PNO1: variants seen among roughly 807,000 people sequenced by gnomAD.
The protein encoded by PNO1 is RNA-binding protein PNO1.
In PNO1, 16 loss-of-function variants were observed where a neutral mutation model predicts 28.4. The observed-to-expected ratio is 0.56, with a 90% CI of 0.38 to 0.85. PNO1 has a LOEUF of 0.85. Ranked by LOEUF, PNO1 falls within the 40% of genes least tolerant of loss-of-function variation. The pLI, the probability that PNO1 is intolerant of heterozygous loss-of-function variation, is 0.00. For synonymous variants in PNO1, 115 were observed against 110.8 expected, an observed-to-expected ratio of 1.04 and a Z score of -0.24; for missense variants, 304 against 312.2, an observed-to-expected ratio of 0.97 and a Z score of 0.20.
rs1474115229 is a variant in PNO1, at chr2:68,173,406, A to G, written c.680A>G (p.Asn227Ser). Residue 227 changes from asparagine (N) to serine (S), a missense_variant, in exon 6 of 7, where the codon AAC becomes AGC. Physicochemically the swap from Asn to Ser is conservative, Grantham distance 46 (BLOSUM62 1). Coordinates refer to ENST00000263657, the MANE Select transcript of PNO1 (RefSeq NM_020143.4). ...NIKMARTAICNLILGNPPSKV... is the reference protein window; with the variant it reads ...NIKMARTAICSLILGNPPSKV... ...AAGATGGCAAGAACTGCCATTTGCA[A>G]CCTAATCTTGGGTAATAGCAGTTTC... The G allele has an allele frequency of 4.4e-6, 7 of 1,595,512 alleles. No homozygotes were observed. In the Admixed American group the frequency reaches 1.2e-4, roughly 27 times the overall value.
chr2:68,168,227 C>T lies in PNO1; in HGVS notation c.621-5120C>T, dbSNP rs577777195. On this transcript the variant is annotated intron_variant, in intron 5 of 6. Transcript: ENST00000263657. ...AAGAGGGGTCCTAATGCTTGTATACCGAGTAAATGTACAACCCCTGGTCGC... is the reference window on the plus strand; with the variant it reads ...AAGAGGGGTCCTAATGCTTGTATACTGAGTAAATGTACAACCCCTGGTCGC... 6.6e-5 allele frequency among the ~76,000 whole-genome samples: 10 copies of T among 152,260 alleles called. No individual in the cohort carries two copies. The South Asian group carries it at 1.7e-3, about 25-fold the overall frequency.
chr2:68,171,732 G>A (rs995972394), intron 5 of PNO1, among the ~76,000 whole-genome samples: 3 of 152,146 alleles, frequency 2.0e-5, no homozygotes, highest in Admixed American at 2.0e-4. Context: ...TGACAGATGA[G>A]TCAAAAATAA....
At position 68,157,975 on chromosome 2, in the gene PNO1, A is replaced by T; in HGVS notation, c.41A>T (p.Glu14Val). The change falls in exon 1 of 7, where the codon GAG becomes GTG. Residue 14 changes from glutamate (E) to valine (V), a missense_variant. Physicochemically the swap from Glu to Val is moderately radical, Grantham distance 121. Transcript: ENST00000263657. ...EMETQSARAEEGFTQVTRKGG... is the reference protein window; with the variant it reads ...EMETQSARAEVGFTQVTRKGG... The stretch of plus-strand genomic sequence containing the variant: ...GAAACGCAGAGCGCCAGGGCAGAGG[A>T]GGGCTTTACCCAGGTCACCCGCAAG... The T allele has an allele frequency of 5.6e-6, 9 of 1,614,108 alleles. No individual in the cohort carries two copies. The highest frequency in any genetic ancestry group is 7.6e-6 in the Non-Finnish European group (9 of 1,180,006).
chr2:68,166,507 A>T (rs1383934551), intron 5 of PNO1, among the ~76,000 whole-genome samples: 1 of 152,182 alleles, frequency 6.6e-6, no homozygotes, highest in Admixed American at 6.6e-5. Context: ...GACGAGGAAG[A>T]GGGGTTAATC....
chr2:68,161,663 CCT>C lies in PNO1; in HGVS notation c.358-19_358-18del. 4 of 1,449,816 alleles carry C rather than the reference CCT, an allele frequency of 2.8e-6. No homozygotes were observed. The highest frequency in any genetic ancestry group is 3.9e-6 in the Non-Finnish European group (4 of 1,032,752). The allele number at this position is 1,449,816 out of a possible 1,614,324, so 89.8% of individuals were successfully genotyped here. A position where few individuals can be genotyped will look rare whatever the true frequency, so the allele number is the denominator to read the frequency against. On this transcript the variant is annotated intron_variant, in intron 2 of 6. Transcript: ENST00000263657. ...TTTGATTCTCAACGGTATTTTGTAC[CCT>C]TTTTTGTTTTTTAACAGACTTGTAA... is the stretch of plus-strand genomic sequence containing the variant.
Position 68,175,688 on chromosome 2 carries a change from C to G in PNO1, c.*886C>G, listed in dbSNP as rs1674260946. The G allele has an allele frequency of 6.6e-6, 1 of 152,154 alleles. No homozygotes were observed. The highest frequency in any genetic ancestry group is 2.1e-4 in the South Asian group (1 of 4,828). The allele number at this position is 152,154 out of a possible 1,614,324, so 9.4% of individuals were successfully genotyped here. On this transcript the variant is annotated 3_prime_UTR_variant, in exon 7 of 7. Transcript: ENST00000263657. ...TCTTGCAGTTTCAAAAATTAAAGAC[C>G]TACATCACAGGGTTAATGTGAAGAA...
At chr2:68,160,300 T>C (rs1406844304) in intron 2 of PNO1, among the ~76,000 whole-genome samples, 3 of 152,184 alleles carry the variant, frequency 2.0e-5, no homozygotes, top group Non-Finnish European at 4.4e-5. Flanking sequence ...TAACTTGCTT[T>C]TCAAGTAGGA....
rs766753648 is a variant in PNO1 at position 68,161,663 on chromosome 2, C to G, written c.358-20C>G. The G allele has an allele frequency of 5.5e-5, 80 of 1,449,698 alleles. 2 individuals carry two copies. The South Asian group carries it at 7.8e-4, about 14-fold the overall frequency. The allele number at this position is 1,449,698 out of a possible 1,614,324, so 89.8% of individuals were successfully genotyped here. A position where few individuals can be genotyped will look rare whatever the true frequency, so the allele number is the denominator to read the frequency against. ...TTTGATTCTCAACGGTATTTTGTAC[C>G]CTTTTTTGTTTTTTAACAGACTTGT... On this transcript the variant is annotated intron_variant, in intron 2 of 6. Coordinates refer to ENST00000263657, the MANE Select transcript of PNO1 (RefSeq NM_020143.4).
At chr2:68,159,809 G>T (rs1438939444) in intron 2 of PNO1, among the ~76,000 whole-genome samples, 1 of 151,870 alleles carries the variant, frequency 6.6e-6, no homozygotes, top group Non-Finnish European at 1.5e-5. Context: ...AGGCTTTTAT[G>T]GTTTCCTGCC....
intron 5 of PNO1, among the ~76,000 whole-genome samples, chr2:68,165,879 G>A (rs548299867): frequency 2.6e-5 from 4 of 152,120 alleles, no homozygotes; most frequent in East Asian, 1.9e-4. Flanking sequence ...TAAGTATCCC[G>A]TTCAATGAGT....
At chr2:68,162,168 A>C in intron 3 of PNO1, 97 bp from the exon 4 acceptor site, 2 of 902,456 alleles carry the variant, frequency 2.2e-6, no homozygotes, top group Non-Finnish European at 1.8e-6. Flanking sequence ...TTCTAGCTCT[A>C]GAGTTTGTGG....
chr2:68,174,408 G>T (rs750433917), intron 6 of PNO1, among the ~76,000 whole-genome samples: 4 of 148,586 alleles, frequency 2.7e-5, no homozygotes, highest in African/African-American at 1.0e-4. Context: ...TCTGCGGATC[G>T]AACCAATGGC....
intron 5 of PNO1, among the ~76,000 whole-genome samples, chr2:68,163,400 A>G (rs1171837814): frequency 6.6e-6 from 1 of 152,062 alleles, no homozygotes; most frequent in African/African-American, 2.4e-5. Context: ...GGCATGTGGC[A>G]TACGCCTTTA....
Position 68,162,653 on chromosome 2 carries a change from T to G in PNO1, c.610T>G (p.Leu204Val). 6 of 1,594,726 alleles carry G rather than the reference T, an allele frequency of 3.8e-6. No individual in the cohort carries two copies. Among genetic ancestry groups the G allele is most frequent in the Non-Finnish European group, 5.2e-6 (6 of 1,162,362 alleles). ...IENVTRTRIV[L>V]ADVKVHILGS... is the part of the protein sequence containing the mutation. ...GAATGTGACACGGACAAGGATAGTT[T>G]TGGCTGATGTGTAAGTATCTGATCT... The change falls in exon 5 of 7, where the codon TTG (leucine) becomes GTG (valine). Residue 204 changes from leucine to valine, a missense_variant. Transcript: ENST00000263657.
intron 5 of PNO1, among the ~76,000 whole-genome samples, chr2:68,163,540 A>AATAC (rs543846420): frequency 0.071 from 9,713 of 136,102 alleles, 391 homozygotes; most frequent in African/African-American, 0.11. Context: ...CAAATAAATA[A>AATAC]ATACATACAT....
chr2:68,158,715 T>C (rs1673745450), intron 2 of PNO1, among the ~76,000 whole-genome samples, 186 bp downstream of exon 2: 1 of 152,238 alleles, frequency 6.6e-6, no homozygotes, highest in South Asian at 2.1e-4. Context: ...CAAATATTAA[T>C]TGAATTTGTA....
At chr2:68,167,670 C>T (rs1280469793) in intron 5 of PNO1, among the ~76,000 whole-genome samples, 1 of 152,168 alleles carries the variant, frequency 6.6e-6, no homozygotes, top group East Asian at 1.9e-4. Flanking sequence ...CACAAAAAAC[C>T]TGTTCAGGCA....
At position 68,157,978 on chromosome 2, in the gene PNO1, G is replaced by C. The variant is rs1558616588; in HGVS notation, c.44G>C (p.Gly15Ala). The stretch of plus-strand genomic sequence containing the variant: ...ACGCAGAGCGCCAGGGCAGAGGAGG[G>C]CTTTACCCAGGTCACCCGCAAGGGT... ...METQSARAEE[G>A]FTQVTRKGGR... is the part of the protein sequence containing the mutation. The change falls in exon 1 of 7, where the codon GGC becomes GCC. Residue 15 changes from glycine to alanine, a missense_variant. Gly to Ala is a moderately conservative substitution (Grantham distance 60). Transcript: ENST00000263657. The C allele has an allele frequency of 6.2e-7, 1 of 1,614,130 alleles. No individual in the cohort carries two copies. Among genetic ancestry groups the C allele is most frequent in the East Asian group, 2.2e-5 (1 of 44,874 alleles).
At chr2:68,166,052 A>G (rs1240819642) in intron 5 of PNO1, among the ~76,000 whole-genome samples, 2 of 152,236 alleles carry the variant, frequency 1.3e-5, no homozygotes, top group Non-Finnish European at 2.9e-5. Context: ...AGAAATTCAT[A>G]TAAATGGAAA....
Sources: allele counts gnomAD v4.1 joint callset (sites outside exome capture counted in the v4.1 genomes callset), GRCh38; gene constraint gnomAD v4.1.1; transcripts MANE v1.5; gene names NCBI Gene and HGNC (gene_info 2026-07-23, HGNC 2026-07-21).